Variants in MMP25 observed in about 807,000 individuals in gnomAD.
The protein encoded by MMP25 is matrix metalloproteinase-25.
Under a neutral mutation model 62.1 loss-of-function variants are expected in MMP25, and 68 were observed. That is an observed-to-expected ratio of 1.10 (90% CI 0.90 to 1.34). The LOEUF is 1.34. Ranked by LOEUF, MMP25 falls within the 40% of genes most tolerant of loss-of-function variation. The pLI, the probability that MMP25 is intolerant of heterozygous loss-of-function variation, is 0.00. For missense variants in MMP25, 942 were observed against 792.5 expected (o/e 1.19, Z -2.26); for synonymous variants, 407 against 345.6 (o/e 1.18, Z -1.97).
At chr16:3,056,426 G>A (rs930052801) in intron 4 of MMP25, among the ~76,000 whole-genome samples, 1 of 151,186 alleles carries the variant, frequency 6.6e-6, no homozygotes, top group Non-Finnish European at 1.5e-5. Flanking sequence ...TTGAGACGGG[G>A]CCTTATTCTG....
chr16:3,059,163 CGGGGGTTGTGA>C lies in MMP25; in HGVS notation c.*68_*78del. 6.8e-7 allele frequency: 1 copy of C among 1,460,700 alleles called. No homozygotes were observed. The highest frequency in any genetic ancestry group is 2.4e-5 in the Admixed American group (1 of 41,498). The allele number at this position is 1,460,700 out of a possible 1,614,324, so 90.5% of individuals were successfully genotyped here. The stretch of plus-strand genomic sequence containing the variant: ...CGAGTCCCCCGCCGCTGGACCTGGT[CGGGGGTTGTGA>C]GGCGCTGCGGAGGCCCCTTGTCTGT... On this transcript the variant is annotated 3_prime_UTR_variant, in exon 10 of 10. Coordinates refer to ENST00000336577, the MANE Select transcript of MMP25 (RefSeq NM_022468.5).
intron 4 of MMP25, chr16:3,055,051 C>T (rs1276861267): frequency 2.0e-5 from 3 of 153,232 alleles, no homozygotes; most frequent in Non-Finnish European, 4.4e-5. Context: ...ACAGGAAACA[C>T]ATTTGTCATT....
At chr16:3,056,611 C>T (rs1197886136) in intron 4 of MMP25, among the ~76,000 whole-genome samples, 2 of 152,150 alleles carry the variant, frequency 1.3e-5, no homozygotes, top group African/African-American at 4.8e-5. Context: ...ATGGGGATCT[C>T]CTTATGTTGT....
intron 4 of MMP25, 130 bp downstream of exon 4, chr16:3,050,676 C>T: frequency 4.3e-6 from 4 of 927,894 alleles, no homozygotes; most frequent in East Asian, 6.0e-5. Flanking sequence ...TGCAGTGGTG[C>T]AATCATAGCT....
chr16:3,051,916 G>C (rs1170501569), intron 4 of MMP25: 1 of 152,144 alleles, frequency 6.6e-6, no homozygotes, highest in Non-Finnish European at 1.5e-5. Context: ...CCTGAGGTCA[G>C]GAGTTTGAGA....
At position 3,046,714 on chromosome 16, in the gene MMP25, C is replaced by T; in HGVS notation, c.-204C>T. The T allele has an allele frequency of 2.5e-6, 1 of 406,756 alleles. No individual in the cohort carries two copies. The highest frequency in any genetic ancestry group is 3.8e-5 in the East Asian group (1 of 26,424). 25.2% of individuals were successfully genotyped at this position (406,756 alleles called of 1,614,324 possible). A position where few individuals can be genotyped will look rare whatever the true frequency, so the allele number is the denominator to read the frequency against. On this transcript the variant is annotated 5_prime_UTR_variant, in exon 1 of 10. Transcript: ENST00000336577. Reference sequence around the variant, plus strand: ...GGCCCACCCGACCCAGCGGCGCGACCCTGGCCCTCCGGGACCCTCCGCTGA... The same window carrying T: ...GGCCCACCCGACCCAGCGGCGCGACTCTGGCCCTCCGGGACCCTCCGCTGA...
intron 4 of MMP25, chr16:3,055,703 G>A (rs973357259): frequency 7.5e-5 from 27 of 358,546 alleles, no homozygotes; most frequent in South Asian, 3.2e-4. Flanking sequence ...TCACCAGGTC[G>A]TTACCTATGA....
chr16:3,058,958 GC>G lies in MMP25; in HGVS notation c.1554del (p.Arg519GlyfsTer41). On this transcript the variant is annotated frameshift_variant, in exon 10 of 10. Coordinates refer to ENST00000336577, the MANE Select transcript of MMP25 (RefSeq NM_022468.5). LOFTEE classifies it high-confidence loss of function. ...DCPAPSSGPR[A>X]PRPPKATPVS... Reference sequence around the variant, plus strand: ...CCCCGCCCCGAGCTCTGGTCCCCGCGCCCCCAGGCCCCCCAAAGCGACCCCC... The same window carrying G: ...CCCCGCCCCGAGCTCTGGTCCCCGCGCCCCAGGCCCCCCAAAGCGACCCCC... 4 of 1,401,992 alleles carry G rather than the reference GC, an allele frequency of 2.9e-6. No homozygotes were observed. Among genetic ancestry groups the G allele is most frequent in the Non-Finnish European group, 2.9e-6 (3 of 1,025,852 alleles). The allele number at this position is 1,401,992 out of a possible 1,614,324, so 86.8% of individuals were successfully genotyped here.
intron 4 of MMP25, among the ~76,000 whole-genome samples, chr16:3,055,306 G>A (rs1344414499): frequency 2.6e-5 from 4 of 152,148 alleles, no homozygotes; most frequent in African/African-American, 9.7e-5. Context: ...CGGAAGCCCA[G>A]TATGGCCAAG....
intron 1 of MMP25, 138 bp downstream of exon 1, chr16:3,047,154 C>T (rs1206262259): frequency 1.9e-5 from 22 of 1,131,316 alleles, no homozygotes; most frequent in Middle Eastern, 2.9e-4. Context: ...GTCTGTGCTC[C>T]CGGCTTCTTG....
rs753743584 is a variant in MMP25 at position 3,047,443 on chromosome 16, C to T, written c.128C>T (p.Pro43Leu). The T allele has an allele frequency of 6.2e-7, 1 of 1,613,586 alleles. No homozygotes were observed. Among genetic ancestry groups the T allele is most frequent in the Admixed American group, 1.7e-5 (1 of 59,976 alleles). Residue 43 changes from proline (P) to leucine (L), a missense_variant, in exon 2 of 10, where the codon CCG becomes CTG. Physicochemically the swap from Pro to Leu is moderately conservative, Grantham distance 98. Transcript: ENST00000336577. Reference sequence around the variant, plus strand: ...TGGCTGACTCGCTATGGTTACCTGCCGCCACCCCACCCTGCCCAGGCCCAG... The same window carrying T: ...TGGCTGACTCGCTATGGTTACCTGCTGCCACCCCACCCTGCCCAGGCCCAG... Reference protein sequence around the residue: ...VDWLTRYGYLPPPHPAQAQLQ... With the variant: ...VDWLTRYGYLLPPHPAQAQLQ...
Position 3,058,335 on chromosome 16 carries a change from T to C in MMP25, c.1159+2T>C. The C allele has an allele frequency of 6.4e-7, 1 of 1,553,836 alleles. No homozygotes were observed. The highest frequency in any genetic ancestry group is 8.7e-7 in the Non-Finnish European group (1 of 1,152,890). ...ACGGCCGAATCCTCCTCTTTAGCGG[T>C]GAGTGGGGCCGGCGGCGGGGCGCGC... On this transcript the variant is annotated splice_donor_variant, in intron 8 of 9. Transcript: ENST00000336577. LOFTEE classifies it high-confidence loss of function.
chr16:3,057,528 C>T lies in MMP25; in HGVS notation c.924-3C>T, dbSNP rs1416968145. On this transcript the variant is annotated splice_region_variant and splice_polypyrimidine_tract_variant and intron_variant, in intron 6 of 9. Coordinates refer to ENST00000336577, the MANE Select transcript of MMP25 (RefSeq NM_022468.5). ...CTCTACTCACCTCTCCTTTCCTCCC[C>T]AGCCCATCCTTCCCCATCCCTGATC... 1.2e-6 allele frequency: 2 copies of T among 1,613,820 alleles called. No homozygotes were observed. Among genetic ancestry groups the T allele is most frequent in the East Asian group, 4.5e-5 (2 of 44,882 alleles).
chr16:3,049,246 G>A lies in MMP25; in HGVS notation c.233-763G>A, dbSNP rs1411511161. Among the ~76,000 whole-genome samples the A allele has an allele frequency of 2.0e-5, 3 of 152,134 alleles. No individual in the cohort carries two copies. The East Asian group carries it at 5.8e-4, about 30-fold the overall frequency. On this transcript the variant is annotated intron_variant, in intron 2 of 9. Coordinates refer to ENST00000336577, the MANE Select transcript of MMP25 (RefSeq NM_022468.5). Reference sequence around the variant, plus strand: ...TGGGTGGCATATGTGGCCAGAAGTAGTTGGATTCGGGGTGTATATTTTGGA... The same window carrying A: ...TGGGTGGCATATGTGGCCAGAAGTAATTGGATTCGGGGTGTATATTTTGGA...
intron 4 of MMP25, chr16:3,055,977 G>T: frequency 2.2e-6 from 1 of 455,042 alleles, no homozygotes. Flanking sequence ...TGGGAGCAAG[G>T]CCGGGTGCTG....
chr16:3,053,850 T>C (rs1304072873), intron 4 of MMP25: 2 of 152,068 alleles, frequency 1.3e-5, no homozygotes, highest in Non-Finnish European at 1.5e-5. Flanking sequence ...AAGTGACCTT[T>C]TTAGTGCCTG....
In MMP25 at chr16:3,058,343, G is replaced by T; in HGVS notation, c.1159+10G>T. The T allele has an allele frequency of 1.3e-6, 2 of 1,534,832 alleles. No individual in the cohort carries two copies. Among genetic ancestry groups the T allele is most frequent in the Non-Finnish European group, 1.7e-6 (2 of 1,143,248 alleles). On this transcript the variant is annotated intron_variant, in intron 8 of 9. Coordinates refer to ENST00000336577, the MANE Select transcript of MMP25 (RefSeq NM_022468.5). Reference sequence around the variant, plus strand: ...ATCCTCCTCTTTAGCGGTGAGTGGGGCCGGCGGCGGGGCGCGCTGGGGCCG... The same window carrying T: ...ATCCTCCTCTTTAGCGGTGAGTGGGTCCGGCGGCGGGGCGCGCTGGGGCCG...
chr16:3,056,242 A>AGG (rs1956006347), intron 4 of MMP25: 1 of 18,464 alleles, frequency 5.4e-5, no homozygotes, highest in South Asian at 1.3e-3. Flanking sequence ...GGGGGTGGCA[A>AGG]GGGGGAGACG....
chr16:3,054,771 T>A (rs796131874), intron 4 of MMP25: 1 of 149,978 alleles, frequency 6.7e-6, no homozygotes, highest in Non-Finnish European at 1.5e-5. Context: ...GATGCACAGA[T>A]GCATGCACAG....
Sources: gnomAD v4.1 joint callset for allele counts (sites outside exome capture counted in the v4.1 genomes callset) on GRCh38, gnomAD v4.1.1 for gene constraint, MANE v1.5 for transcripts, NCBI Gene and HGNC (gene_info 2026-07-23, HGNC 2026-07-21) for gene names.